The following SCRN1 variants were observed in gnomAD, a reference collection of about 807,000 sequenced individuals.
SCRN1 encodes the protein secernin-1.
Under a neutral mutation model 43.3 loss-of-function variants are expected in SCRN1, and 19 were observed. The ratio of observed to expected loss-of-function variants is 0.44; its 90% confidence interval spans 0.31 to 0.64. The LOEUF is 0.64. Among genes scored for constraint, SCRN1 ranks in the 30% least tolerant of loss-of-function variants. The pLI is 0.09. For synonymous variants in SCRN1, 183 were observed against 188.9 expected (o/e 0.97, Z 0.26); for missense variants, 447 against 524.1 (o/e 0.85, Z 1.44).
At chr7:29,926,659 C>T (rs1250590258) in intron 6 of SCRN1, 27 bp from the exon 7 acceptor site, 1 of 1,605,048 alleles carries the variant, frequency 6.2e-7, no homozygotes, top group East Asian at 2.2e-5. Flanking sequence ...GGCACTTCAG[C>T]CAGGCAGAGG....
At chr7:29,952,287 T>G (rs527877227) in intron 3 of SCRN1, among the ~76,000 whole-genome samples, 1 of 152,224 alleles carries the variant, frequency 6.6e-6, no homozygotes, top group East Asian at 1.9e-4. Context: ...CAGCCATACT[T>G]TGAGAACCAC....
intron 1 of SCRN1, among the ~76,000 whole-genome samples, chr7:29,985,623 C>T (rs1044809155): frequency 1.3e-5 from 2 of 151,998 alleles, no homozygotes; most frequent in Non-Finnish European, 2.9e-5. Context: ...ATGCACTGTG[C>T]AGTTATGTTA....
chr7:29,927,173 T>C (rs1786992141), intron 6 of SCRN1, among the ~76,000 whole-genome samples: 1 of 151,792 alleles, frequency 6.6e-6, no homozygotes, highest in East Asian at 1.9e-4. Flanking sequence ...CCTTGGAGGG[T>C]GCACACCACA....
At chr7:29,972,053 G>C (rs905639974) in intron 1 of SCRN1, among the ~76,000 whole-genome samples, 11 of 152,158 alleles carry the variant, frequency 7.2e-5, no homozygotes, top group Admixed American at 7.2e-4. Context: ...TCACAAAAAC[G>C]GCTTTATCTT....
intron 3 of SCRN1, among the ~76,000 whole-genome samples, chr7:29,948,819 G>A (rs1562810375): frequency 6.6e-6 from 1 of 152,192 alleles, no homozygotes; most frequent in Non-Finnish European, 1.5e-5. Context: ...TGAAACTGTT[G>A]GTAGCTTGAA....
upstream of SCRN1, chr7:29,990,023 C>A: frequency 6.9e-7 from 1 of 1,456,924 alleles, no homozygotes; most frequent in Non-Finnish European, 9.0e-7. Context: ...CCCCTCTTTG[C>A]TAGATTTTTA....
chr7:29,953,135 A>G (rs928478599), intron 3 of SCRN1, among the ~76,000 whole-genome samples: 1 of 152,202 alleles, frequency 6.6e-6, no homozygotes, highest in African/African-American at 2.4e-5. Context: ...AACATCCCGC[A>G]GTGTTTGCTG....
intron 1 of SCRN1, among the ~76,000 whole-genome samples, chr7:29,984,174 C>A (rs943505892): frequency 1.4e-5 from 2 of 143,732 alleles, no homozygotes; most frequent in African/African-American, 2.6e-5. Context: ...CCACTGCACT[C>A]CAGCCTGGGC....
chr7:29,945,020 T>C (rs867273529), intron 3 of SCRN1, among the ~76,000 whole-genome samples: 56 of 152,322 alleles, frequency 3.7e-4, no homozygotes, highest in African/African-American at 1.3e-3. Context: ...GAGGACGTTG[T>C]CCTGTCTCTG....
intron 1 of SCRN1, among the ~76,000 whole-genome samples, chr7:29,974,407 C>G (rs560406284): frequency 2.0e-5 from 3 of 152,156 alleles, no homozygotes; most frequent in Admixed American, 6.5e-5. Context: ...TGTTTCATTA[C>G]TATGTTTCAC....
chr7:29,986,872 G>A (rs1479879400), intron 1 of SCRN1, among the ~76,000 whole-genome samples: 4 of 151,702 alleles, frequency 2.6e-5, no homozygotes, highest in Admixed American at 6.6e-5. Flanking sequence ...CTACAGGCGC[G>A]TGCCACCATG....
intron 3 of SCRN1, among the ~76,000 whole-genome samples, chr7:29,944,944 T>C (rs1268964673): frequency 6.6e-6 from 1 of 152,086 alleles, no homozygotes. Flanking sequence ...TCTCTATTAT[T>C]CTACACCAGG....
At chr7:29,985,750 C>T (rs1789129529) in intron 1 of SCRN1, among the ~76,000 whole-genome samples, 1 of 152,210 alleles carries the variant, frequency 6.6e-6, no homozygotes, top group African/African-American at 2.4e-5. Context: ...GTCTCATACT[C>T]AGCAGTCCCA....
chr7:29,974,730 C>A (rs937591014), intron 1 of SCRN1, among the ~76,000 whole-genome samples: 9 of 145,956 alleles, frequency 6.2e-5, no homozygotes, highest in Non-Finnish European at 1.3e-4. Context: ...GTCGCCCAGG[C>A]TGGAGTACAG....
Position 29,950,498 on chromosome 7 carries a change from CA to C in SCRN1, c.341+4680del, listed in dbSNP as rs1186898993. ...AAGGAGCAGGTCCCCAGTGAAACCC[CA>C]CCTTCAAGCCAGGAATGGCCGGAAG... On this transcript the variant is annotated intron_variant, in intron 3 of 7. Transcript: ENST00000242059. This position sits in a 1 kb window ranked among gnomAD's most constrained non-coding sequence, Gnocchi z 4.5. Among the ~76,000 whole-genome samples, 1 of 152,212 alleles carries C rather than the reference CA, an allele frequency of 6.6e-6. No homozygotes were observed. The highest frequency in any genetic ancestry group is 2.4e-5 in the African/African-American group (1 of 41,450).
chr7:29,923,820 A>T lies in SCRN1; in HGVS notation c.*137T>A, dbSNP rs554114449. ...TGAGATTCAAGGTGGAACACAAGGTAACAGTTTGATCTGGCTTCAGAAAAG... is the reference window on the plus strand; with the variant it reads ...TGAGATTCAAGGTGGAACACAAGGTTACAGTTTGATCTGGCTTCAGAAAAG... On this transcript the variant is annotated 3_prime_UTR_variant, in exon 8 of 8. Coordinates refer to ENST00000242059, the MANE Select transcript of SCRN1 (RefSeq NM_014766.5). 1 of 909,144 alleles carries T rather than the reference A, an allele frequency of 1.1e-6. No individual in the cohort carries two copies. The highest frequency in any genetic ancestry group is 2.4e-5 in the East Asian group (1 of 40,884). The allele number at this position is 909,144 out of a possible 1,614,324, so 56.3% of individuals were successfully genotyped here.
rs373135193 is a variant in SCRN1 at position 29,938,523 on chromosome 7, G to A, written c.740-1802C>T. Among the ~76,000 whole-genome samples, 143 of 152,312 alleles carry A rather than the reference G, an allele frequency of 9.4e-4. 2 individuals carry two copies. The South Asian group carries it at 0.026, about 28-fold the overall frequency. On this transcript the variant is annotated intron_variant, in intron 5 of 7. Transcript: ENST00000242059. The stretch of plus-strand genomic sequence containing the variant: ...TGTTCATGATGGCCATGATGCCCAC[G>A]CTGGAAGGTTGTGGGGTTAACGGAA...
At chr7:29,959,777 C>A (rs1297909155) in intron 2 of SCRN1, among the ~76,000 whole-genome samples, 1 of 151,948 alleles carries the variant, frequency 6.6e-6, no homozygotes, top group Non-Finnish European at 1.5e-5. Context: ...ATGCAAAGGT[C>A]TGAGATCAGA....
intron 1 of SCRN1, among the ~76,000 whole-genome samples, chr7:29,977,008 G>A (rs1367972275): frequency 6.6e-6 from 1 of 152,196 alleles, no homozygotes; most frequent in African/African-American, 2.4e-5. Flanking sequence ...TCTGAGCCAA[G>A]GCAAGGTTTT....
Sources: gnomAD v4.1 joint callset for allele counts (sites outside exome capture counted in the v4.1 genomes callset) on GRCh38, gnomAD v4.1.1 for gene constraint, Gnocchi (gnomAD v3.1) non-coding constraint, MANE v1.5 for transcripts, NCBI Gene and HGNC (gene_info 2026-07-23, HGNC 2026-07-21) for gene names.